The following SEMA3D variants were observed in gnomAD, a reference collection of about 807,000 sequenced individuals.
SEMA3D encodes semaphorin-3D.
A neutral mutation model predicts 100.1 loss-of-function variants in SEMA3D; 84 were observed. The ratio of observed to expected loss-of-function variants is 0.84; its 90% CI spans 0.70 to 1.01. SEMA3D has a LOEUF of 1.01. SEMA3D is among the 50% of genes least tolerant of loss of function. The pLI is 0.00. For missense variants in SEMA3D, 875 were observed against 934.1 expected (o/e 0.94, Z 0.82); for synonymous variants, 312 against 320.7 (o/e 0.97, Z 0.29).
chr7:85,062,800 T>C (rs530569534), intron 8 of SEMA3D, among the ~76,000 whole-genome samples: 3 of 152,306 alleles, frequency 2.0e-5, no homozygotes, highest in Admixed American at 1.3e-4. Flanking sequence ...TTGAGGCCAC[T>C]TAGTTACAGG....
At chr7:85,030,973 G>A (rs1790531703) in intron 12 of SEMA3D, among the ~76,000 whole-genome samples, 2 of 151,944 alleles carry the variant, frequency 1.3e-5, no homozygotes, top group South Asian at 2.1e-4. Context: ...ACAAAATATG[G>A]CTTGTTCAAA....
the SEMA3D span, among the ~76,000 whole-genome samples, chr7:85,217,124 A>G: frequency 6.6e-6 from 1 of 152,122 alleles, no homozygotes; most frequent in Non-Finnish European, 1.5e-5. Context: ...AAAGCATTAT[A>G]GTTCTGTACA....
At chr7:85,135,211 T>C (rs1257610130) in intron 2 of SEMA3D, among the ~76,000 whole-genome samples, 1 of 152,126 alleles carries the variant, frequency 6.6e-6, no homozygotes, top group Non-Finnish European at 1.5e-5. Context: ...TAATGTACTT[T>C]AAAATCTGTA....
chr7:84,999,817 G>T lies in SEMA3D; in HGVS notation c.1957C>A (p.Arg653=), dbSNP rs542894514. 6.2e-7 allele frequency: 1 copy of T among 1,613,920 alleles called. No homozygotes were observed. The highest frequency in any genetic ancestry group is 8.5e-7 in the Non-Finnish European group (1 of 1,179,986). The change falls in exon 19 of 19, where the codon CGA becomes AGA. Residue 653 remains arginine, a synonymous_variant. Transcript: ENST00000284136. ...IIKTEYGLLI[R]SLQKKDSGMY... ...CCAGAATCCTTCTTCTGCAAACTTC[G>T]AATCAGTAGCCCATATTCCGTTTTG...
chr7:85,010,166 G>A (rs1454351979), intron 17 of SEMA3D, among the ~76,000 whole-genome samples: 1 of 151,662 alleles, frequency 6.6e-6, no homozygotes, highest in Non-Finnish European at 1.5e-5. Context: ...CATACATAAG[G>A]CAGCAACCCA....
At chr7:85,035,823 A>G (rs1363520093) in intron 12 of SEMA3D, among the ~76,000 whole-genome samples, 1 of 152,082 alleles carries the variant, frequency 6.6e-6, no homozygotes, top group Non-Finnish European at 1.5e-5. Flanking sequence ...GTTTCCACAA[A>G]CATCGTTATT....
At chr7:85,127,939 T>C (rs1352290198) in intron 2 of SEMA3D, among the ~76,000 whole-genome samples, 2 of 152,060 alleles carry the variant, frequency 1.3e-5, no homozygotes, top group Non-Finnish European at 2.9e-5. Flanking sequence ...TGTCAACTTT[T>C]AATGTCTGCA....
At chr7:85,115,502 C>T (rs1481356844) in intron 3 of SEMA3D, among the ~76,000 whole-genome samples, 1 of 152,188 alleles carries the variant, frequency 6.6e-6, no homozygotes, top group African/African-American at 2.4e-5. Flanking sequence ...GTGATATTCA[C>T]TGTATTAAAG....
intron 4 of SEMA3D, among the ~76,000 whole-genome samples, chr7:85,097,221 C>T (rs1213482812): frequency 5.3e-5 from 8 of 151,764 alleles, no homozygotes; most frequent in Admixed American, 2.0e-4. Flanking sequence ...TTTTAAAGTA[C>T]TAGTGTATGT....
chr7:85,101,772 G>T (rs1288079457), intron 3 of SEMA3D, among the ~76,000 whole-genome samples: 2 of 151,896 alleles, frequency 1.3e-5, no homozygotes, highest in Non-Finnish European at 2.9e-5. Context: ...TTTATATAAA[G>T]TTCTTAGAAC....
intron 1 of SEMA3D, among the ~76,000 whole-genome samples, chr7:85,154,458 C>T (rs1790523137): frequency 1.3e-5 from 2 of 152,062 alleles, no homozygotes; most frequent in Admixed American, 1.3e-4. Context: ...TCATGCAAAT[C>T]CTACCATGTT....
intron 4 of SEMA3D, among the ~76,000 whole-genome samples, chr7:85,091,045 G>T (rs921724550): frequency 1.1e-4 from 16 of 150,264 alleles, no homozygotes; most frequent in Admixed American, 3.4e-4. Flanking sequence ...AAGAAAGAGA[G>T]AGAGAAAGGA....
In SEMA3D at chr7:85,111,095, A is replaced by T. The variant is rs138578018; in HGVS notation, c.151+10646T>A. Reference sequence around the variant, plus strand: ...TAATTTTTCTCCTATATACCTGGGCATTCCTTTTCAGTTCACTTTGCAGTT... The same window carrying T: ...TAATTTTTCTCCTATATACCTGGGCTTTCCTTTTCAGTTCACTTTGCAGTT... On this transcript the variant is annotated intron_variant, in intron 3 of 18. Coordinates refer to ENST00000284136, the MANE Select transcript of SEMA3D (RefSeq NM_001384900.1). 3.4e-3 allele frequency among the ~76,000 whole-genome samples: 523 copies of T among 152,158 alleles called. 6 individuals carry two copies. Among genetic ancestry groups the T allele is most frequent in the African/African-American group, 0.012 (489 of 41,554 alleles).
chr7:85,229,146 T>C, the SEMA3D span, among the ~76,000 whole-genome samples: 1 of 151,962 alleles, frequency 6.6e-6, no homozygotes, highest in Non-Finnish European at 1.5e-5. Flanking sequence ...CCTTTGCATG[T>C]TTAATAAAAA....
chr7:85,246,481 A>G, the SEMA3D span, among the ~76,000 whole-genome samples: 1 of 152,004 alleles, frequency 6.6e-6, no homozygotes, highest in Non-Finnish European at 1.5e-5. Flanking sequence ...TGCCATTTTA[A>G]TGAGTGAACT....
chr7:85,231,487 A>C, the SEMA3D span, among the ~76,000 whole-genome samples: 5 of 89,088 alleles, frequency 5.6e-5, no homozygotes, highest in Non-Finnish European at 9.1e-5. Context: ...TCGCTCTGTC[A>C]CCCAGGCTGG....
chr7:85,090,875 T>C (rs898734242), intron 4 of SEMA3D, among the ~76,000 whole-genome samples: 4 of 152,110 alleles, frequency 2.6e-5, no homozygotes, highest in Non-Finnish European at 4.4e-5. Context: ...CACTGGAAAT[T>C]ATTATATGTA....
intron 4 of SEMA3D, among the ~76,000 whole-genome samples, chr7:85,082,383 G>A (rs1224232820): frequency 6.6e-6 from 1 of 152,154 alleles, no homozygotes; most frequent in Non-Finnish European, 1.5e-5. Context: ...CTGTCAGGAA[G>A]TTTTTGTAGG....
chr7:85,045,046 A>T (rs1276163560), intron 9 of SEMA3D, among the ~76,000 whole-genome samples: 1 of 152,060 alleles, frequency 6.6e-6, no homozygotes, highest in Non-Finnish European at 1.5e-5. Flanking sequence ...CAAGGATTTC[A>T]TTATAGTGGG....
Sources: allele counts gnomAD v4.1 joint callset (sites outside exome capture counted in the v4.1 genomes callset), GRCh38; gene constraint gnomAD v4.1.1; transcripts MANE v1.5; gene names NCBI Gene and HGNC (gene_info 2026-07-23, HGNC 2026-07-21).